STARD9: variants seen among roughly 807,000 people sequenced by gnomAD.
The protein encoded by STARD9 is StAR related lipid transfer domain containing 9, also known as stAR-related lipid transfer protein 9.
Under a neutral mutation model 399.8 loss-of-function variants are expected in STARD9, and 346 were observed. The observed-to-expected ratio is 0.87, with a 90% CI of 0.79 to 0.95. The LOEUF (loss-of-function observed/expected upper bound fraction) is 0.95. STARD9 is among the 40% of genes least tolerant of loss of function. The pLI, the probability that STARD9 is intolerant of heterozygous loss-of-function variation, is 0.00. For synonymous variants in STARD9, 2,203 were observed against 2,143.5 expected (o/e 1.03, Z -0.77); for missense variants, 5,832 against 5,667.5 (o/e 1.03, Z -0.93).
intron 3 of STARD9, among the ~76,000 whole-genome samples, chr15:42,631,772 A>G (rs991349279): frequency 6.6e-6 from 1 of 151,414 alleles, no homozygotes; most frequent in Non-Finnish European, 1.5e-5. Context: ...GAATTGTTTT[A>G]TTATTTATTT....
intron 3 of STARD9, among the ~76,000 whole-genome samples, chr15:42,598,685 C>T (rs940398905): frequency 2.0e-5 from 3 of 152,082 alleles, no homozygotes; most frequent in Admixed American, 6.6e-5. Context: ...TAGCCATCGC[C>T]TCAAACATTT....
At chr15:42,666,100 A>G (rs2060097436) in intron 15 of STARD9, among the ~76,000 whole-genome samples, 1 of 152,224 alleles carries the variant, frequency 6.6e-6, no homozygotes, top group African/African-American at 2.4e-5. Context: ...CCTGGGGGCA[A>G]AAGACTGTTT....
Position 42,634,944 on chromosome 15 carries a change from G to T in STARD9, c.323G>T (p.Gly108Val). The T allele has an allele frequency of 1.3e-6, 2 of 1,536,618 alleles. No individual in the cohort carries two copies. The highest frequency in any genetic ancestry group is 4.9e-5 in the East Asian group (2 of 40,862). The change falls in exon 4 of 33, where the codon GGG (glycine) becomes GTG (valine). Residue 108 changes from glycine (G) to valine (V), a missense_variant. Gly to Val is a moderately radical substitution (Grantham distance 109). Transcript: ENST00000290607. Reference protein sequence around the residue: ...CLFAYGQTGSGKTYTMLGTPA... With the variant: ...CLFAYGQTGSVKTYTMLGTPA... The stretch of plus-strand genomic sequence containing the variant: ...TTTGCTTATGGACAGACAGGCTCTG[G>T]GAAGACATATACCATGCTGGGGACC...
rs781665378 is a variant in STARD9 at position 42,684,869 on chromosome 15, CA to C, written c.3293del (p.Asn1098MetfsTer23). ...TAATGGATCATTCAAGAGAAAAAGA[CA>C]ATGATTTATCTGACACAGATAGCAA... ...PVMDHSREKDNDLSDTDSNYS... is the reference protein window; with the variant it reads ...PVMDHSREKDXDLSDTDSNYS... On this transcript the variant is annotated frameshift_variant, in exon 23 of 33. Transcript: ENST00000290607. LOFTEE classifies it high-confidence loss of function. 2 of 1,537,008 alleles carry C rather than the reference CA, an allele frequency of 1.3e-6. No homozygotes were observed. Among genetic ancestry groups the C allele is most frequent in the Admixed American group, 2.0e-5 (1 of 50,992 alleles).
chr15:42,607,194 CTTTTTTTT>C (rs763484090), intron 3 of STARD9, among the ~76,000 whole-genome samples: 11 of 39,266 alleles, frequency 2.8e-4, no homozygotes, highest in South Asian at 1.7e-3. Context: ...TTTTCTGGTG[CTTTTTTTT>C]TTTTTTTTTT....
chr15:42,705,784 ACT>A (rs1447304240), intron 26 of STARD9, among the ~76,000 whole-genome samples: 4 of 146,878 alleles, frequency 2.7e-5, no homozygotes, highest in East Asian at 2.0e-4. Flanking sequence ...ATGGAGTCTC[ACT>A]CTCTCACTCG....
chr15:42,600,760 G>C (rs931989308), intron 3 of STARD9, among the ~76,000 whole-genome samples: 6 of 151,916 alleles, frequency 3.9e-5, no homozygotes, highest in Non-Finnish European at 7.4e-5. Context: ...CCTGACCTCA[G>C]GTGATCTGCC....
chr15:42,689,002 G>A lies in STARD9; in HGVS notation c.7424G>A (p.Arg2475Lys). The A allele has an allele frequency of 1.3e-6, 2 of 1,537,344 alleles. No individual in the cohort carries two copies. The highest frequency in any genetic ancestry group is 1.2e-5 in the South Asian group (1 of 84,064). ...EAEVAVQKEIRVSSLNKVSSQ... is the reference protein window; with the variant it reads ...EAEVAVQKEIKVSSLNKVSSQ... ...GAGGTGGCTGTACAAAAAGAAATAA[G>A]AGTCAGTTCACTGAACAAGGTCTCT... Residue 2475 changes from arginine (R) to lysine (K), a missense_variant, in exon 23 of 33, where the codon AGA becomes AAA. This residue lies in a region of STARD9 where 5,828 missense variants were observed against 5,651.1 expected (regional missense o/e 1.03). Coordinates refer to ENST00000290607, the MANE Select transcript of STARD9 (RefSeq NM_020759.3).
In STARD9 at chr15:42,693,622, T is replaced by C. The variant is rs2140298849; in HGVS notation, c.12044T>C (p.Leu4015Pro). Residue 4015 changes from leucine (L) to proline (P), a missense_variant, in exon 23 of 33, where the codon CTG becomes CCG. Transcript: ENST00000290607. ...ACAACTATCGGGGTCCAAAGCAGACTGCTGCCACCACCACTGAGGCACAGG... is the reference window on the plus strand; with the variant it reads ...ACAACTATCGGGGTCCAAAGCAGACCGCTGCCACCACCACTGAGGCACAGG... ...PRTTIGVQSR[L>P]LPPPLRHRSQ... 1 of 1,537,244 alleles carries C rather than the reference T, an allele frequency of 6.5e-7. No homozygotes were observed. Among genetic ancestry groups the C allele is most frequent in the East Asian group, 2.4e-5 (1 of 40,926 alleles).
chr15:42,651,635 G>C (rs1318280028), intron 8 of STARD9, among the ~76,000 whole-genome samples: 1 of 151,964 alleles, frequency 6.6e-6, no homozygotes, highest in Non-Finnish European at 1.5e-5. Context: ...CCTAAAAAAG[G>C]CTTTTTTTTT....
At chr15:42,592,347 A>G (rs535353793) in intron 3 of STARD9, among the ~76,000 whole-genome samples, 14 of 152,320 alleles carry the variant, frequency 9.2e-5, no homozygotes, top group African/African-American at 2.9e-4. Context: ...AGAAAAGACT[A>G]TAGTGAATGG....
intron 3 of STARD9, among the ~76,000 whole-genome samples, chr15:42,601,450 G>C (rs1215854486): frequency 1.3e-5 from 2 of 151,196 alleles, no homozygotes; most frequent in Non-Finnish European, 1.5e-5. Flanking sequence ...CCGGGCAGAG[G>C]CGCCCCCCAA....
chr15:42,655,469 A>G (rs1461840642), intron 9 of STARD9, among the ~76,000 whole-genome samples: 1 of 152,254 alleles, frequency 6.6e-6, no homozygotes, highest in East Asian at 1.9e-4. Context: ...CAAAGCAAAC[A>G]AAAACGTAAA....
At chr15:42,648,994 C>T (rs1566902779) in intron 7 of STARD9, among the ~76,000 whole-genome samples, 1 of 152,082 alleles carries the variant, frequency 6.6e-6, no homozygotes, top group Admixed American at 6.6e-5. Flanking sequence ...GCCTCAGCCT[C>T]CCAAGTAGCT....
At chr15:42,614,077 C>G (rs1445120343) in intron 3 of STARD9, among the ~76,000 whole-genome samples, 3 of 152,022 alleles carry the variant, frequency 2.0e-5, no homozygotes, top group Non-Finnish European at 4.4e-5. Context: ...CTTTGGAAGG[C>G]TGAGGCGGGC....
At chr15:42,659,478 A>G (rs2059949909) in intron 9 of STARD9, among the ~76,000 whole-genome samples, 1 of 152,078 alleles carries the variant, frequency 6.6e-6, no homozygotes, top group Non-Finnish European at 1.5e-5. Context: ...GGGAATGTAA[A>G]TGGTATAGCA....
intron 3 of STARD9, among the ~76,000 whole-genome samples, chr15:42,602,757 G>C (rs2058653059): frequency 1.3e-5 from 2 of 152,180 alleles, no homozygotes; most frequent in South Asian, 4.1e-4. Context: ...AGAAGACTCG[G>C]CCAGCAATCA....
At chr15:42,682,014 G>T in intron 21 of STARD9, 90 bp from the exon 22 acceptor site, 1 of 868,130 alleles carries the variant, frequency 1.2e-6, no homozygotes, top group Non-Finnish European at 1.8e-6. Flanking sequence ...CTCCACACAG[G>T]TCCAGCCATG....
intron 28 of STARD9, among the ~76,000 whole-genome samples, chr15:42,717,335 A>G (rs2061369072): frequency 6.6e-6 from 1 of 151,980 alleles, no homozygotes; most frequent in Admixed American, 6.6e-5. Flanking sequence ...AAAATAAAAA[A>G]CATTAGGCCA....
Sources: allele counts gnomAD v4.1 joint callset (sites outside exome capture counted in the v4.1 genomes callset), GRCh38; gene constraint gnomAD v4.1.1; regional missense constraint gnomAD v4.1.1; transcripts MANE v1.5; gene names NCBI Gene and HGNC (gene_info 2026-07-23, HGNC 2026-07-21).